HYCC1: variants seen among roughly 807,000 people sequenced by gnomAD.
HYCC1 encodes the protein hyccin.
the HYCC1 span, among the ~76,000 whole-genome samples, chr7:22,921,321 A>C: frequency 6.6e-6 from 1 of 152,228 alleles, no homozygotes; most frequent in African/African-American, 2.4e-5. Flanking sequence ...ATATTGGACT[A>C]GGAAAATAAT....
chr7:22,962,245 C>G, the HYCC1 span, among the ~76,000 whole-genome samples: 1 of 152,076 alleles, frequency 6.6e-6, no homozygotes, highest in East Asian at 1.9e-4. Flanking sequence ...TTCCTAGAAG[C>G]CAAATTGCTA....
the HYCC1 span, among the ~76,000 whole-genome samples, chr7:22,925,741 G>C: frequency 6.6e-6 from 1 of 152,158 alleles, no homozygotes; most frequent in South Asian, 2.1e-4. Context: ...GAATGGAACC[G>C]AGTTGGAAAA....
the HYCC1 span, among the ~76,000 whole-genome samples, chr7:22,950,697 C>G: frequency 6.6e-6 from 1 of 151,828 alleles, no homozygotes; most frequent in Non-Finnish European, 1.5e-5. Context: ...TCAAAAAGAT[C>G]ATTTTTAAAA....
chr7:22,902,577 T>C, the HYCC1 span, among the ~76,000 whole-genome samples: 1 of 152,098 alleles, frequency 6.6e-6, no homozygotes, highest in African/African-American at 2.4e-5. Context: ...TAGCAAACGG[T>C]AGATATATAG....
At chr7:22,995,702 C>T in the HYCC1 span, among the ~76,000 whole-genome samples, 3 of 152,124 alleles carry the variant, frequency 2.0e-5, no homozygotes, top group African/African-American at 2.4e-5. Context: ...AGTTTCCTTA[C>T]GGAAGAATTC....
At chr7:22,908,208 GT>G in the HYCC1 span, among the ~76,000 whole-genome samples, 1 of 152,222 alleles carries the variant, frequency 6.6e-6, no homozygotes, top group Non-Finnish European at 1.5e-5. Context: ...CAATGGAGTG[GT>G]AAAAAGGTCA....
At chr7:22,992,693 G>A in the HYCC1 span, among the ~76,000 whole-genome samples, 2 of 151,994 alleles carry the variant, frequency 1.3e-5, no homozygotes, top group Admixed American at 1.3e-4. Context: ...TATTTGTAAA[G>A]CAAAGCCAAT....
the HYCC1 span, among the ~76,000 whole-genome samples, chr7:22,906,788 GAC>G: frequency 6.6e-6 from 1 of 151,958 alleles, no homozygotes; most frequent in Non-Finnish European, 1.5e-5. Flanking sequence ...CAGACTTAAA[GAC>G]ATCAAATTAC....
the HYCC1 span, chr7:22,984,142 C>A: frequency 4.1e-6 from 3 of 725,806 alleles, no homozygotes; most frequent in South Asian, 3.0e-5. Flanking sequence ...GCCAGGACTG[C>A]AGATGGGAGA....
At chr7:22,928,789 C>G in the HYCC1 span, among the ~76,000 whole-genome samples, 1 of 151,846 alleles carries the variant, frequency 6.6e-6, no homozygotes, top group African/African-American at 2.4e-5. Flanking sequence ...TCAATGCCAT[C>G]CCCATCAAGC....
the HYCC1 span, chr7:22,941,397 A>G: frequency 1.3e-5 from 2 of 152,222 alleles, no homozygotes; most frequent in Admixed American, 1.3e-4. Context: ...TTAAGAAGGT[A>G]GGGAACACAC....
chr7:22,959,236 T>C, the HYCC1 span, among the ~76,000 whole-genome samples: 1 of 152,216 alleles, frequency 6.6e-6, no homozygotes, highest in African/African-American at 2.4e-5. Flanking sequence ...GGATAATCAT[T>C]ATTGTTTTCT....
At chr7:22,981,176 A>C in the HYCC1 span, among the ~76,000 whole-genome samples, 10,215 of 152,292 alleles carry the variant, frequency 0.067, 479 homozygotes, top group Non-Finnish European at 0.094. Context: ...CACTAACTAG[A>C]AAACAAGTTT....
the HYCC1 span, among the ~76,000 whole-genome samples, chr7:23,009,752 TCATTTAGGAGA>T: frequency 1.3e-5 from 2 of 152,176 alleles, no homozygotes; most frequent in Non-Finnish European, 2.9e-5. Flanking sequence ...CTTCTCTGTC[TCATTTAGGAGA>T]CAGAGGAATG....
chr7:22,998,625 C>G, the HYCC1 span, among the ~76,000 whole-genome samples: 1 of 151,914 alleles, frequency 6.6e-6, no homozygotes, highest in Admixed American at 6.6e-5. Flanking sequence ...TAAATTTCAC[C>G]CTTTATAATG....
the HYCC1 span, chr7:22,983,823 C>G: frequency 1.6e-5 from 11 of 681,574 alleles, no homozygotes; most frequent in Admixed American, 2.5e-4. Flanking sequence ...CACTAGAGTT[C>G]ATTTCAGTAT....
the HYCC1 span, among the ~76,000 whole-genome samples, chr7:22,981,773 C>T: frequency 1.3e-5 from 2 of 152,288 alleles, no homozygotes; most frequent in East Asian, 1.9e-4. Flanking sequence ...TCAGAGTATA[C>T]ATCAGTTAGG....
At chr7:22,919,605 T>TAA in the HYCC1 span, among the ~76,000 whole-genome samples, 1 of 143,936 alleles carries the variant, frequency 6.9e-6, no homozygotes, top group African/African-American at 2.5e-5. Context: ...TATGAATTAT[T>TAA]AAAAAAAAAA....
At chr7:22,979,182 G>A in the HYCC1 span, among the ~76,000 whole-genome samples, 1 of 151,932 alleles carries the variant, frequency 6.6e-6, no homozygotes, top group African/African-American at 2.4e-5. Context: ...AACCAATAAT[G>A]GTAATGAACA....
Sources: allele counts gnomAD v4.1 joint callset (sites outside exome capture counted in the v4.1 genomes callset), GRCh38; gene constraint gnomAD v4.1.1; transcripts MANE v1.5; gene names NCBI Gene and HGNC (gene_info 2026-07-23, HGNC 2026-07-21).